Variants in SLC45A2 observed in about 807,000 individuals in gnomAD.
SLC45A2 encodes solute carrier family 45 member 2.
Under a neutral mutation model 45.5 loss-of-function variants are expected in SLC45A2, and 36 were observed. The observed-to-expected ratio is 0.79, with a 90% CI of 0.61 to 1.04. The LOEUF is 1.04. Among genes scored for constraint, SLC45A2 ranks in the 50% least tolerant of loss-of-function variants. The probability of loss-of-function intolerance (pLI) is 0.00; values close to 1 mark genes in which losing one functional copy is unlikely to be tolerated. For synonymous variants in SLC45A2, 306 were observed against 269.3 expected, an observed-to-expected ratio of 1.14 and a Z score of -1.33; for missense variants, 719 against 671.0, an observed-to-expected ratio of 1.07 and a Z score of -0.79.
chr5:33,950,342 T>C (rs577932414), intron 5 of SLC45A2, among the ~76,000 whole-genome samples: 1 of 152,312 alleles, frequency 6.6e-6, no homozygotes, highest in Non-Finnish European at 1.5e-5. Flanking sequence ...ATCTTCCTCC[T>C]GGATTTTTTC....
chr5:33,958,488 C>T (rs1361923692), intron 3 of SLC45A2, among the ~76,000 whole-genome samples: 1 of 152,046 alleles, frequency 6.6e-6, no homozygotes, highest in Admixed American at 6.6e-5. Flanking sequence ...TATATTCTTA[C>T]TTTAACTTTT....
At chr5:33,946,014 C>A (rs1173071839) in intron 6 of SLC45A2, 1 of 985,294 alleles carries the variant, frequency 1.0e-6, no homozygotes, top group Admixed American at 6.2e-5. Context: ...AATATATTAT[C>A]TCACCTAAAA....
intron 3 of SLC45A2, among the ~76,000 whole-genome samples, chr5:33,961,256 C>T (rs1752447208): frequency 6.6e-6 from 1 of 152,070 alleles, no homozygotes; most frequent in African/African-American, 2.4e-5. Context: ...AAAAAACCAA[C>T]CAAAAAAAGC....
At chr5:33,946,321 T>C in intron 6 of SLC45A2, 3 of 985,454 alleles carry the variant, frequency 3.0e-6, no homozygotes, top group Non-Finnish European at 3.6e-6. Flanking sequence ...CCAGATCAAA[T>C]GATGAAAAAC....
At chr5:33,954,659 A>G (rs1752224114) in intron 3 of SLC45A2, among the ~76,000 whole-genome samples, 155 bp from the exon 4 acceptor site, 1 of 152,184 alleles carries the variant, frequency 6.6e-6, no homozygotes, top group African/African-American at 2.4e-5. Context: ...CATGGAGTAG[A>G]CTCACAGGAG....
intron 2 of SLC45A2, among the ~76,000 whole-genome samples, chr5:33,979,819 A>T (rs917154324): frequency 1.3e-5 from 2 of 152,186 alleles, no homozygotes; most frequent in African/African-American, 4.8e-5. Flanking sequence ...CTTTAGGATG[A>T]CCTTGGCCGA....
At chr5:33,975,066 T>C (rs924227723) in intron 2 of SLC45A2, among the ~76,000 whole-genome samples, 2 of 150,938 alleles carry the variant, frequency 1.3e-5, no homozygotes, top group African/African-American at 5.0e-5. Flanking sequence ...AAGAGGAAGA[T>C]GTTTTAAGTT....
chr5:33,959,068 CT>C (rs913113851), intron 3 of SLC45A2, among the ~76,000 whole-genome samples: 1 of 151,952 alleles, frequency 6.6e-6, no homozygotes, highest in Non-Finnish European at 1.5e-5. Context: ...TACTTTTTCC[CT>C]TTTTTTATCT....
chr5:33,952,700 T>A (rs1326770561), intron 4 of SLC45A2, among the ~76,000 whole-genome samples: 2 of 150,654 alleles, frequency 1.3e-5, no homozygotes, highest in African/African-American at 4.9e-5. Flanking sequence ...TAATTTTTTT[T>A]TTTTTATTAT....
At chr5:33,979,388 A>G (rs1471029410) in intron 2 of SLC45A2, among the ~76,000 whole-genome samples, 2 of 152,230 alleles carry the variant, frequency 1.3e-5, no homozygotes, top group Admixed American at 1.3e-4. Context: ...GGTTCTTATT[A>G]TACAGATGAA....
At chr5:33,957,760 C>T (rs1267981461) in intron 3 of SLC45A2, among the ~76,000 whole-genome samples, 3 of 152,114 alleles carry the variant, frequency 2.0e-5, no homozygotes, top group South Asian at 2.1e-4. Context: ...ACTGAGAAAG[C>T]GAATCTGGTC....
At position 33,963,613 on chromosome 5, in the gene SLC45A2, C is replaced by T. The variant is rs1406282372; in HGVS notation, c.888+78G>A. The T allele has an allele frequency of 1.2e-5, 17 of 1,470,582 alleles. No homozygotes were observed. In the Admixed American group the frequency reaches 3.3e-4, roughly 28 times the overall value. 91.1% of individuals were successfully genotyped at this position (1,470,582 alleles called of 1,614,324 possible). On this transcript the variant is annotated intron_variant, in intron 3 of 6. Coordinates refer to ENST00000296589, the MANE Select transcript of SLC45A2 (RefSeq NM_016180.5). ...AACTCTTCTCGTCAAACAGACAAAA[C>T]AAACAATTAAAAAAACAACAACAAC...
chr5:33,974,599 A>G (rs1193083299), intron 2 of SLC45A2, among the ~76,000 whole-genome samples: 1 of 152,226 alleles, frequency 6.6e-6, no homozygotes, highest in Non-Finnish European at 1.5e-5. Context: ...TGCTGTAGTT[A>G]TCTCTTTGTC....
chr5:33,972,175 A>C, intron 2 of SLC45A2: 1 of 522,922 alleles, frequency 1.9e-6, no homozygotes, highest in African/African-American at 1.9e-5. Context: ...TGGATGAATT[A>C]GATGCTATTG....
At chr5:33,967,863 A>T (rs929183027) in intron 2 of SLC45A2, among the ~76,000 whole-genome samples, 1 of 151,604 alleles carries the variant, frequency 6.6e-6, no homozygotes, top group African/African-American at 2.4e-5. Flanking sequence ...AACTCTTCTT[A>T]TATCTTCCCC....
intron 4 of SLC45A2, among the ~76,000 whole-genome samples, chr5:33,953,996 A>G (rs1752193560): frequency 7.0e-6 from 1 of 142,922 alleles, no homozygotes; most frequent in Admixed American, 7.2e-5. Context: ...GATCAATTCA[A>G]CAAGAGGAGC....
chr5:33,952,051 C>G (rs906872654), intron 4 of SLC45A2, among the ~76,000 whole-genome samples: 1 of 152,138 alleles, frequency 6.6e-6, no homozygotes, highest in Admixed American at 6.5e-5. Context: ...TTCTCCCTCT[C>G]TAATATTCCT....
At chr5:33,949,501 T>C (rs1752035385) in intron 5 of SLC45A2, among the ~76,000 whole-genome samples, 1 of 152,110 alleles carries the variant, frequency 6.6e-6, no homozygotes, top group Admixed American at 6.5e-5. Context: ...TAGTGGGTCA[T>C]TGAGGGTGGT....
chr5:33,945,061 G>T (rs1304904721), intron 6 of SLC45A2, among the ~76,000 whole-genome samples, 189 bp from the exon 7 acceptor site: 1 of 152,216 alleles, frequency 6.6e-6, no homozygotes, highest in African/African-American at 2.4e-5. Flanking sequence ...AGCTGAGTTG[G>T]CTTTCCAATA....
Sources: gnomAD v4.1 joint callset for allele counts (sites outside exome capture counted in the v4.1 genomes callset) on GRCh38, gnomAD v4.1.1 for gene constraint, MANE v1.5 for transcripts, NCBI Gene and HGNC (gene_info 2026-07-23, HGNC 2026-07-21) for gene names.